Variants in PTPRD observed in about 807,000 individuals in gnomAD.
PTPRD encodes the protein protein tyrosine phosphatase receptor type D.
Under a neutral mutation model 214.5 loss-of-function variants are expected in PTPRD, and 34 were observed. The observed-to-expected ratio is 0.16, with a 90% CI of 0.12 to 0.21. PTPRD has a LOEUF of 0.21. PTPRD is among the 10% of genes least tolerant of loss of function. The probability of loss-of-function intolerance (pLI) is 1.00; values close to 1 mark genes in which losing one functional copy is unlikely to be tolerated. For missense variants in PTPRD, 2,545 were observed against 2,398.7 expected (o/e 1.06, Z -1.27); for synonymous variants, 1,128 against 845.7 (o/e 1.33, Z -5.79).
intron 12 of PTPRD, among the ~76,000 whole-genome samples, chr9:8,641,346 G>A (rs761521028): frequency 1.1e-4 from 17 of 148,334 alleles, no homozygotes; most frequent in Non-Finnish European, 2.2e-4. Context: ...TGGGGAGAAA[G>A]GCATTAGAAC....
At chr9:8,504,101 G>T (rs10758977) in intron 23 of PTPRD, among the ~76,000 whole-genome samples, 160 bp downstream of exon 23, 54,662 of 152,034 alleles carry the variant, frequency 0.36, 10,372 homozygotes, top group African/African-American at 0.49. Context: ...GAGACCAAAA[G>T]AAGTCACAGT....
rs141976296 is a variant in PTPRD, at chr9:8,394,061, C to T, written c.4211-4654G>A. On this transcript the variant is annotated intron_variant, in intron 36 of 45. Coordinates refer to ENST00000381196, the MANE Select transcript of PTPRD (RefSeq NM_002839.4). ...ACAGCTATTTGAACAGAATTAGGCA[C>T]GTTTTAGGCTCTCATTTTATTTGCT... Among the ~76,000 whole-genome samples the T allele has an allele frequency of 2.4e-3, 370 of 151,914 alleles. 3 individuals are homozygous for T. The highest frequency in any genetic ancestry group is 8.5e-3 in the African/African-American group (354 of 41,432).
intron 2 of PTPRD, among the ~76,000 whole-genome samples, chr9:10,528,955 A>C (rs1222191057): frequency 2.6e-5 from 4 of 152,174 alleles, no homozygotes; most frequent in Non-Finnish European, 5.9e-5. Flanking sequence ...AAAAAGAGAA[A>C]TTGACTTTTT....
chr9:9,184,139 G>A (rs556532348), intron 9 of PTPRD, among the ~76,000 whole-genome samples: 194 of 152,020 alleles, frequency 1.3e-3, no homozygotes, highest in African/African-American at 4.5e-3. Flanking sequence ...CTCATGGGGA[G>A]AGACTTTTTG....
intron 2 of PTPRD, among the ~76,000 whole-genome samples, chr9:10,549,636 A>G (rs955295404): frequency 2.0e-5 from 3 of 152,108 alleles, no homozygotes; most frequent in Admixed American, 6.6e-5. Flanking sequence ...CCGTCAGTGT[A>G]TATCCACTCC....
Position 9,753,986 on chromosome 9 carries a change from A to G in PTPRD, c.-326+12824T>C, listed in dbSNP as rs544170060. ...AGCTTACTTAGATCCCCTAGATCCA[A>G]TATAGCAATTATTATATTATACCAT... is the stretch of plus-strand genomic sequence containing the variant. On this transcript the variant is annotated intron_variant, in intron 6 of 45. Transcript: ENST00000381196. Among the ~76,000 whole-genome samples the G allele has an allele frequency of 2.6e-5, 4 of 152,216 alleles. No homozygotes were observed. In the South Asian group the frequency reaches 6.2e-4, roughly 24 times the overall value.
chr9:9,984,272 A>G (rs934033017), intron 4 of PTPRD, among the ~76,000 whole-genome samples: 2 of 152,212 alleles, frequency 1.3e-5, no homozygotes, highest in Non-Finnish European at 2.9e-5. Context: ...AAAATTATTA[A>G]ATCATGAAAA....
At chr9:10,054,730 G>A (rs2097591539) in intron 3 of PTPRD, among the ~76,000 whole-genome samples, 1 of 152,038 alleles carries the variant, frequency 6.6e-6, no homozygotes, top group Non-Finnish European at 1.5e-5. Flanking sequence ...TTTCACTAAT[G>A]TCAGCAAGCA....
chr9:9,865,850 T>A (rs1469667530), intron 5 of PTPRD, among the ~76,000 whole-genome samples: 1 of 152,202 alleles, frequency 6.6e-6, no homozygotes, highest in Non-Finnish European at 1.5e-5. Flanking sequence ...TCAAAGCAAG[T>A]CTCATAACAC....
chr9:8,777,125 G>A (rs1014489959), intron 11 of PTPRD, among the ~76,000 whole-genome samples: 12 of 151,728 alleles, frequency 7.9e-5, no homozygotes, highest in Non-Finnish European at 1.5e-4. Flanking sequence ...AACTACAGGT[G>A]CGTGCCACCG....
chr9:10,467,123 G>T (rs1344901594), intron 2 of PTPRD, among the ~76,000 whole-genome samples: 1 of 152,154 alleles, frequency 6.6e-6, no homozygotes, highest in African/African-American at 2.4e-5. Context: ...CTATGACCAA[G>T]CACCAAGAAG....
chr9:9,264,638 C>T (rs1938231659), intron 9 of PTPRD, among the ~76,000 whole-genome samples: 1 of 151,334 alleles, frequency 6.6e-6, no homozygotes, highest in African/African-American at 2.4e-5. Flanking sequence ...ATGGCTGAAC[C>T]CTTTCCAAAT....
At chr9:10,587,903 C>A (rs940982790) in intron 2 of PTPRD, among the ~76,000 whole-genome samples, 5 of 151,724 alleles carry the variant, frequency 3.3e-5, no homozygotes, top group Non-Finnish European at 5.9e-5. Context: ...GACATAGGCC[C>A]CAAAATGGAA....
intron 8 of PTPRD, among the ~76,000 whole-genome samples, chr9:9,502,245 T>G (rs2096442238): frequency 6.6e-6 from 1 of 151,900 alleles, no homozygotes; most frequent in African/African-American, 2.4e-5. Context: ...ACTGAAACTT[T>G]TTACCCTTTG....
intron 39 of PTPRD, among the ~76,000 whole-genome samples, chr9:8,346,708 G>A (rs1200998580): frequency 2.0e-5 from 3 of 152,106 alleles, no homozygotes; most frequent in Non-Finnish European, 4.4e-5. Flanking sequence ...GCCCCAAAGT[G>A]CAAGAGTAGT....
At chr9:8,560,716 G>C (rs533712301) in intron 14 of PTPRD, among the ~76,000 whole-genome samples, 2 of 152,036 alleles carry the variant, frequency 1.3e-5, no homozygotes, top group African/African-American at 2.4e-5. Context: ...GGTAAACAGT[G>C]GTTTCTCAAA....
intron 11 of PTPRD, among the ~76,000 whole-genome samples, chr9:8,892,647 G>GTA (rs960822968): frequency 6.8e-6 from 1 of 146,282 alleles, no homozygotes; most frequent in Non-Finnish European, 1.5e-5. Flanking sequence ...ATATATATGT[G>GTA]TATATATATG....
chr9:9,151,445 C>A (rs566444774), intron 10 of PTPRD, among the ~76,000 whole-genome samples: 2 of 152,274 alleles, frequency 1.3e-5, no homozygotes, highest in Non-Finnish European at 2.9e-5. Context: ...AGGCTGCAGG[C>A]AGGCGTCTGG....
At chr9:9,443,972 A>G (rs1197417612) in intron 8 of PTPRD, among the ~76,000 whole-genome samples, 1 of 152,070 alleles carries the variant, frequency 6.6e-6, no homozygotes, top group South Asian at 2.1e-4. Context: ...CATAATGACA[A>G]TTTTTCTAAC....
Sources: allele counts gnomAD v4.1 joint callset (sites outside exome capture counted in the v4.1 genomes callset), GRCh38; gene constraint gnomAD v4.1.1; transcripts MANE v1.5; gene names NCBI Gene and HGNC (gene_info 2026-07-23, HGNC 2026-07-21).